EML5: variants seen among roughly 807,000 people sequenced by gnomAD.
EML5 encodes the protein EMAP like 5.
In EML5, 120 loss-of-function variants were observed where a neutral mutation model predicts 250.0. That is an observed-to-expected ratio of 0.48 (90% CI 0.41 to 0.56). The LOEUF is 0.56. Among genes scored for constraint, EML5 ranks in the 20% least tolerant of loss-of-function variants. The pLI is 0.00. For missense variants in EML5, 2,006 were observed against 2,437.6 expected (o/e 0.82, Z 3.73); for synonymous variants, 771 against 806.5 (o/e 0.96, Z 0.75).
At chr14:88,621,743 C>T (rs867084539) in intron 37 of EML5, 102 of 342,366 alleles carry the variant, frequency 3.0e-4, no homozygotes, top group African/African-American at 1.7e-3. Context: ...AGTACAAACA[C>T]GCTCAAAAAT....
chr14:88,617,603 C>G (rs2087902171), intron 41 of EML5: 1 of 151,998 alleles, frequency 6.6e-6, no homozygotes, highest in South Asian at 2.1e-4. Context: ...ATCCCTATCT[C>G]TACAAAAATA....
chr14:88,719,055 CAGAG>C (rs1047209176), intron 8 of EML5, among the ~76,000 whole-genome samples: 5 of 152,116 alleles, frequency 3.3e-5, no homozygotes, highest in African/African-American at 1.2e-4. Flanking sequence ...GTAACACTGT[CAGAG>C]AGAGACAAGT....
intron 1 of EML5, among the ~76,000 whole-genome samples, chr14:88,763,444 G>C (rs1396722028): frequency 6.6e-6 from 1 of 151,982 alleles, no homozygotes; most frequent in Non-Finnish European, 1.5e-5. Flanking sequence ...ACCCCCCCAA[G>C]ACTAAACCAG....
chr14:88,682,137 G>A, intron 20 of EML5, 106 bp from the exon 21 acceptor site: 1 of 1,180,676 alleles, frequency 8.5e-7, no homozygotes, highest in Non-Finnish European at 1.1e-6. Flanking sequence ...ATGATAATAG[G>A]ATACCGAATA....
At position 88,730,276 on chromosome 14, in the gene EML5, C is replaced by T. The variant is rs533878305; in HGVS notation, c.1050-3598G>A. On this transcript the variant is annotated intron_variant, in intron 7 of 43. Transcript: ENST00000554922. ...TAAGCACTCATCACAATTTTTCCAA[C>T]TCACAGGAAAGCTCAGAAAAATTAG... 1.1e-4 allele frequency among the ~76,000 whole-genome samples: 16 copies of T among 152,234 alleles called. No homozygotes were observed. The East Asian group carries it at 1.5e-3, about 15-fold the overall frequency.
intron 32 of EML5, among the ~76,000 whole-genome samples, chr14:88,636,843 A>G (rs1168205070): frequency 6.6e-6 from 1 of 152,216 alleles, no homozygotes; most frequent in Admixed American, 6.5e-5. Context: ...CCACTTTATA[A>G]CTAAGCTTCC....
chr14:88,645,176 C>A (rs545794118), intron 29 of EML5, among the ~76,000 whole-genome samples: 1 of 152,086 alleles, frequency 6.6e-6, no homozygotes, highest in Admixed American at 6.6e-5. Context: ...CAAGCGTGCA[C>A]CACCACACTC....
intron 3 of EML5, among the ~76,000 whole-genome samples, 199 bp downstream of exon 3, chr14:88,745,986 T>C (rs1452497671): frequency 2.0e-5 from 3 of 152,172 alleles, no homozygotes; most frequent in Non-Finnish European, 4.4e-5. Flanking sequence ...TATCAAATCA[T>C]GTTTCCAAGT....
intron 40 of EML5, 133 bp downstream of exon 40, chr14:88,618,517 G>C (rs901799177): frequency 8.5e-7 from 1 of 1,176,878 alleles, no homozygotes. Context: ...AAGGGGAGCT[G>C]TAGGTCAGAA....
chr14:88,627,216 G>A (rs1011635846), intron 34 of EML5, 170 bp from the exon 35 acceptor site: 1 of 639,150 alleles, frequency 1.6e-6, no homozygotes, highest in African/African-American at 1.8e-5. Context: ...TGTGTATTGA[G>A]TCCTTTTCAC....
In EML5 at chr14:88,621,122, A is replaced by G; in HGVS notation, c.5193T>C (p.Ile1731=). ...AEDGTVRLWD[I]ADKKMLNKVN... is the part of the protein sequence containing the mutation. ...AATTATCTGTACTTACTTTATCAGCAATATCCCAAAGTCTCACTGTCCCAT... is the reference window on the plus strand; with the variant it reads ...AATTATCTGTACTTACTTTATCAGCGATATCCCAAAGTCTCACTGTCCCAT... Residue 1731 remains isoleucine (I), a synonymous_variant, in exon 38 of 44, where the codon ATT becomes ATC. Transcript: ENST00000554922. The G allele has an allele frequency of 6.2e-7, 1 of 1,613,760 alleles. No individual in the cohort carries two copies. Among genetic ancestry groups the G allele is most frequent in the Non-Finnish European group, 8.5e-7 (1 of 1,179,828 alleles).
At chr14:88,710,340 A>C (rs889259476) in intron 10 of EML5, among the ~76,000 whole-genome samples, 6 of 152,222 alleles carry the variant, frequency 3.9e-5, no homozygotes, top group African/African-American at 1.4e-4. Context: ...TCTATAACAT[A>C]AACTACTTCT....
In EML5 at chr14:88,650,629, AT is replaced by A. The variant is rs201532947; in HGVS notation, c.4005-704del. On this transcript the variant is annotated intron_variant, in intron 27 of 43. Transcript: ENST00000554922. ...TTTGATAAGTATTTAATTGTTTTTA[AT>A]TTTTTTTTCATTTATTTATTCTCCC... is the stretch of plus-strand genomic sequence containing the variant. 5.9e-4 allele frequency among the ~76,000 whole-genome samples: 90 copies of A among 151,556 alleles called. 2 individuals carry two copies. The East Asian group carries it at 0.014, about 23-fold the overall frequency.
At chr14:88,671,295 A>G (rs2092456108) in intron 21 of EML5, among the ~76,000 whole-genome samples, 1 of 152,220 alleles carries the variant, frequency 6.6e-6, no homozygotes, top group Admixed American at 6.5e-5. Flanking sequence ...TTTCATATCC[A>G]GCCAAACTAA....
At chr14:88,775,935 T>C (rs898108199) in intron 1 of EML5, among the ~76,000 whole-genome samples, 1 of 150,160 alleles carries the variant, frequency 6.7e-6, no homozygotes, top group African/African-American at 2.5e-5. Flanking sequence ...CTCCATTTGT[T>C]TGGGAGAAAG....
At chr14:88,758,610 G>A (rs989678063) in intron 1 of EML5, among the ~76,000 whole-genome samples, 4 of 152,146 alleles carry the variant, frequency 2.6e-5, no homozygotes, top group Admixed American at 6.5e-5. Flanking sequence ...TTGGAAAACC[G>A]CTTGGTAGCT....
At chr14:88,786,319 T>C (rs1241882234) in intron 1 of EML5, among the ~76,000 whole-genome samples, 1 of 152,158 alleles carries the variant, frequency 6.6e-6, no homozygotes, top group Non-Finnish European at 1.5e-5. Context: ...TACACACATA[T>C]ATAAAATTTA....
chr14:88,753,202 G>A (rs2094120537), intron 2 of EML5, among the ~76,000 whole-genome samples: 1 of 152,114 alleles, frequency 6.6e-6, no homozygotes, highest in Non-Finnish European at 1.5e-5. Flanking sequence ...ACTCACCCCA[G>A]CTCTCCTGCA....
chr14:88,688,320 G>A lies in EML5; in HGVS notation c.2693C>T (p.Thr898Ile). ...CIWRDIFLVK[T>I]VKAHDGPVFS... ...CACTGGCCCATCATGCGCTTTCACTGTTTTTACAAGAAAGATGTCTCTCCA... is the reference window on the plus strand; with the variant it reads ...CACTGGCCCATCATGCGCTTTCACTATTTTTACAAGAAAGATGTCTCTCCA... Residue 898 changes from threonine (T) to isoleucine (I), a missense_variant, in exon 18 of 44, where the codon ACA becomes ATA. Physicochemically the swap from Thr to Ile is moderately conservative, Grantham distance 89. Coordinates refer to ENST00000554922, the MANE Select transcript of EML5 (RefSeq NM_183387.3). 1 of 1,613,922 alleles carries A rather than the reference G, an allele frequency of 6.2e-7. No individual in the cohort carries two copies. The highest frequency in any genetic ancestry group is 8.5e-7 in the Non-Finnish European group (1 of 1,179,886).
Sources: gnomAD v4.1 joint callset for allele counts (sites outside exome capture counted in the v4.1 genomes callset) on GRCh38, gnomAD v4.1.1 for gene constraint, MANE v1.5 for transcripts, NCBI Gene and HGNC (gene_info 2026-07-23, HGNC 2026-07-21) for gene names.